DPP6: variants seen among roughly 807,000 people sequenced by gnomAD.
The protein encoded by DPP6 is dipeptidyl peptidase like 6, also known as A-type potassium channel modulatory protein DPP6.
In DPP6, 69 loss-of-function variants were observed where a neutral mutation model predicts 122.6. That is an observed-to-expected ratio of 0.56 (90% CI 0.46 to 0.69). The LOEUF (loss-of-function observed/expected upper bound fraction) is 0.69, where lower values mean the gene tolerates loss of function less well. DPP6 is among the 30% of genes least tolerant of loss of function. DPP6 has a pLI of 0.00. For missense variants in DPP6, 928 were observed against 1,116.9 expected, an observed-to-expected ratio of 0.83 and a Z score of 2.41; for synonymous variants, 418 against 433.1, an observed-to-expected ratio of 0.97 and a Z score of 0.43.
At chr7:153,804,781 G>A in the DPP6 span, among the ~76,000 whole-genome samples, 1 of 152,074 alleles carries the variant, frequency 6.6e-6, no homozygotes, top group African/African-American at 2.4e-5. Flanking sequence ...CTACTCGGGA[G>A]GCTGAGGCAG....
At chr7:154,026,175 A>C (rs1298182404) in intron 1 of DPP6, 2 of 152,076 alleles carry the variant, frequency 1.3e-5, no homozygotes, top group Non-Finnish European at 1.5e-5. Context: ...CCCCAGTAAG[A>C]ACCCTGGACG....
At chr7:154,168,533 C>T (rs561974607) in intron 1 of DPP6, among the ~76,000 whole-genome samples, 51 of 152,270 alleles carry the variant, frequency 3.3e-4, no homozygotes, top group Non-Finnish European at 4.1e-4. Context: ...TTGGCTAAGG[C>T]GGTGATGATA....
chr7:153,802,904 G>A, the DPP6 span, among the ~76,000 whole-genome samples: 60 of 151,950 alleles, frequency 3.9e-4, no homozygotes, highest in East Asian at 1.4e-3. Flanking sequence ...AAACACCCTC[G>A]CCCCAATCAC....
At chr7:154,064,759 C>G (rs1224629000) in intron 1 of DPP6, among the ~76,000 whole-genome samples, 2 of 152,186 alleles carry the variant, frequency 1.3e-5, no homozygotes, top group Non-Finnish European at 2.9e-5. Flanking sequence ...GAGGCATGCT[C>G]TCTCCCAGGG....
intron 3 of DPP6, among the ~76,000 whole-genome samples, chr7:154,485,790 C>T (rs1000906586): frequency 6.6e-6 from 1 of 151,984 alleles, no homozygotes; most frequent in Non-Finnish European, 1.5e-5. Flanking sequence ...CCCATGGAGG[C>T]AGGAATTTTT....
chr7:154,789,783 C>T (rs78293533), intron 10 of DPP6, among the ~76,000 whole-genome samples: 8,077 of 152,308 alleles, frequency 0.053, 244 homozygotes, highest in African/African-American at 0.084. Context: ...TTGTCCAAAG[C>T]GTCGCTGCCT....
intron 1 of DPP6, among the ~76,000 whole-genome samples, chr7:154,115,688 A>C (rs1211222509): frequency 6.6e-6 from 1 of 152,180 alleles, no homozygotes; most frequent in South Asian, 2.1e-4. Context: ...CTCTGCTCTT[A>C]GAGTGTTATA....
chr7:154,566,991 C>A, intron 5 of DPP6, 75 bp downstream of exon 5: 1 of 1,041,346 alleles, frequency 9.6e-7, no homozygotes, highest in Non-Finnish European at 1.4e-6. Flanking sequence ...ATTTCCTTGA[C>A]TCTTCTATAC....
intron 1 of DPP6, among the ~76,000 whole-genome samples, chr7:154,216,644 A>G (rs1800015426): frequency 6.6e-6 from 1 of 152,028 alleles, no homozygotes; most frequent in Admixed American, 6.5e-5. Context: ...TTACAGAACC[A>G]TTGGGTAATT....
chr7:154,062,071 CA>C, intron 1 of DPP6, among the ~76,000 whole-genome samples: 1 of 115,222 alleles, frequency 8.7e-6, no homozygotes. Flanking sequence ...CTGGTTCCCC[CA>C]CTGGCTCTTA....
chr7:153,824,498 C>G, the DPP6 span, among the ~76,000 whole-genome samples: 2 of 151,598 alleles, frequency 1.3e-5, no homozygotes, highest in African/African-American at 4.8e-5. Context: ...ACTAGCATGG[C>G]CAACGTGAGG....
chr7:154,240,848 A>G (rs1801545624), intron 1 of DPP6, among the ~76,000 whole-genome samples: 1 of 152,178 alleles, frequency 6.6e-6, no homozygotes, highest in Non-Finnish European at 1.5e-5. Flanking sequence ...AGTGGATTTT[A>G]TGTAGGATAG....
chr7:154,408,486 A>T (rs1423150417), intron 1 of DPP6, among the ~76,000 whole-genome samples: 1 of 152,156 alleles, frequency 6.6e-6, no homozygotes, highest in African/African-American at 2.4e-5. Flanking sequence ...TGTTAGATTT[A>T]CAGAAAAGTT....
At chr7:154,465,545 A>G (rs977060787) in intron 2 of DPP6, among the ~76,000 whole-genome samples, 1 of 152,242 alleles carries the variant, frequency 6.6e-6, no homozygotes, top group Non-Finnish European at 1.5e-5. Context: ...AAGTGGGCAA[A>G]GGATATGAAC....
intron 1 of DPP6, among the ~76,000 whole-genome samples, chr7:154,022,620 C>T (rs1417686065): frequency 1.3e-5 from 2 of 152,124 alleles, no homozygotes; most frequent in African/African-American, 4.8e-5. Flanking sequence ...TATAGACTAA[C>T]GGTTGCCCTG....
chr7:154,769,872 C>A (rs1489716554), intron 9 of DPP6, among the ~76,000 whole-genome samples: 1 of 152,136 alleles, frequency 6.6e-6, no homozygotes, highest in Non-Finnish European at 1.5e-5. Flanking sequence ...TGCACCTGCC[C>A]TCTCTCACGC....
intron 7 of DPP6, among the ~76,000 whole-genome samples, chr7:154,702,166 G>A (rs773762862): frequency 9.2e-5 from 14 of 152,206 alleles, no homozygotes; most frequent in East Asian, 1.9e-4. Context: ...GGTGGCAAAC[G>A]TAATAAACAT....
At chr7:154,669,279 G>T (rs774687375) in intron 6 of DPP6, 81 bp from the exon 7 acceptor site, 23 of 1,548,612 alleles carry the variant, frequency 1.5e-5, no homozygotes, top group Non-Finnish European at 1.7e-5. Context: ...TTAAGTTATA[G>T]GTAGGGGATA....
At chr7:154,347,667 A>G (rs938587287) in intron 1 of DPP6, among the ~76,000 whole-genome samples, 1 of 152,212 alleles carries the variant, frequency 6.6e-6, no homozygotes. Flanking sequence ...TCCCTTTCAG[A>G]TGCTGCCAAA....
Sources: gnomAD v4.1 joint callset for allele counts (sites outside exome capture counted in the v4.1 genomes callset) on GRCh38, gnomAD v4.1.1 for gene constraint, MANE v1.5 for transcripts, NCBI Gene and HGNC (gene_info 2026-07-23, HGNC 2026-07-21) for gene names.